SUPT5H: variants seen among roughly 807,000 people sequenced by gnomAD.
SUPT5H encodes SPT5 homolog, DSIF elongation factor subunit, also known as transcription elongation factor SPT5.
Under a neutral mutation model 142.5 loss-of-function variants are expected in SUPT5H, and 24 were observed. The observed-to-expected ratio is 0.17, with a 90% CI of 0.12 to 0.24. SUPT5H has a LOEUF of 0.24. Ranked by LOEUF, SUPT5H falls within the 10% of genes least tolerant of loss-of-function variation. The probability of loss-of-function intolerance (pLI) is 1.00; values close to 1 mark genes in which losing one functional copy is unlikely to be tolerated. For missense variants in SUPT5H, 893 were observed against 1,471.8 expected, an observed-to-expected ratio of 0.61 and a Z score of 6.43; for synonymous variants, 546 against 553.0, an observed-to-expected ratio of 0.99 and a Z score of 0.18.
At chr19:39,451,532 TTTTG>T (rs1193846702) in intron 2 of SUPT5H, among the ~76,000 whole-genome samples, 2 of 151,912 alleles carry the variant, frequency 1.3e-5, no homozygotes, top group Non-Finnish European at 2.9e-5. Context: ...GATTTCAGTT[TTTTG>T]TTTGTTTGTT....
Position 39,472,832 on chromosome 19 carries a change from C to T in SUPT5H, c.2058C>T (p.Ser686=), listed in dbSNP as rs1371813349. The change falls in exon 22 of 30, where the codon AGC becomes AGT. Residue 686 remains serine (S), a synonymous_variant. Coordinates refer to ENST00000432763, the MANE Select transcript of SUPT5H (RefSeq NM_001111020.3). This position sits in a 1 kb window ranked among gnomAD's most constrained non-coding sequence, Gnocchi z 4.2. ...SAGGQRGGFG[S]PGGGSGGMSR... is the part of the protein sequence containing the mutation. ...CAGGTCAGCGTGGCGGCTTTGGTAG[C>T]CCAGGTGGCGGCAGTGGTGGCATGA... 1 of 1,613,360 alleles carries T rather than the reference C, an allele frequency of 6.2e-7. No individual in the cohort carries two copies. The highest frequency in any genetic ancestry group is 1.3e-5 in the African/African-American group (1 of 75,034).
rs1262916535 is a variant in SUPT5H at position 39,459,082 on chromosome 19, A to T, written c.458+9A>T. 1.9e-6 allele frequency: 3 copies of T among 1,600,804 alleles called. No individual in the cohort carries two copies. The highest frequency in any genetic ancestry group is 2.6e-6 in the Non-Finnish European group (3 of 1,169,226). On this transcript the variant is annotated intron_variant, in intron 7 of 29. Transcript: ENST00000432763. Reference sequence around the variant, plus strand: ...TCATCTGTGGGAGAGACGTAAGGGCATGGTGGGGGCAGGTGGGGGCAGGGA... The same window carrying T: ...TCATCTGTGGGAGAGACGTAAGGGCTTGGTGGGGGCAGGTGGGGGCAGGGA...
rs77989588 is a variant in SUPT5H, at chr19:39,466,593, G to C, written c.966+24G>C. 9.0e-4 allele frequency: 1,010 copies of C among 1,119,466 alleles called. No homozygotes were observed. The highest frequency in any genetic ancestry group is 1.2e-3 in the Non-Finnish European group (935 of 796,186). 69.3% of individuals were successfully genotyped at this position (1,119,466 alleles called of 1,614,324 possible). A position where few individuals can be genotyped will look rare whatever the true frequency, so the allele number is the denominator to read the frequency against. On this transcript the variant is annotated intron_variant, in intron 12 of 29. Coordinates refer to ENST00000432763, the MANE Select transcript of SUPT5H (RefSeq NM_001111020.3). The surrounding 1 kb of genome is among the most constrained non-coding windows in gnomAD (Gnocchi z 4.3). The stretch of plus-strand genomic sequence containing the variant: ...TGGTACTCAGGGGAATCTGTGGCCT[G>C]GGGGGGAGGGAGTGTGCTCGATCCC...
At chr19:39,459,450 G>A in intron 8 of SUPT5H, 109 bp from the exon 9 acceptor site, 1 of 1,463,344 alleles carries the variant, frequency 6.8e-7, no homozygotes, top group East Asian at 2.3e-5. Flanking sequence ...CAGTGAGTGT[G>A]AGGGAACCTG....
chr19:39,469,712 T>A lies in SUPT5H; in HGVS notation c.1374+314T>A. On this transcript the variant is annotated intron_variant, in intron 16 of 29. Coordinates refer to ENST00000432763, the MANE Select transcript of SUPT5H (RefSeq NM_001111020.3). The surrounding 1 kb of genome is among the most constrained non-coding windows in gnomAD (Gnocchi z 5.1). ...GAGTAATCTGAGGCTTGACTTTGTT[T>A]GCTTAGAGCGGGGTGTGTGTTTGTC... 2.0e-6 allele frequency: 1 copy of A among 509,868 alleles called. No homozygotes were observed. Among genetic ancestry groups the A allele is most frequent in the Non-Finnish European group, 3.6e-6 (1 of 279,286 alleles). 31.6% of individuals were successfully genotyped at this position (509,868 alleles called of 1,614,324 possible).
Position 39,474,296 on chromosome 19 carries a change from G to A in SUPT5H, c.2714G>A (p.Ser905Asn), listed in dbSNP as rs1448134375. Reference sequence around the variant, plus strand: ...TCCCCACAAGGTTCCTACCAGCCCAGCCCCAGCCCCCAGAGCTACCACCAG... The same window carrying A: ...TCCCCACAAGGTTCCTACCAGCCCAACCCCAGCCCCCAGAGCTACCACCAG... The part of the protein sequence containing the change: ...APSPQGSYQP[S>N]PSPQSYHQVA... The change falls in exon 27 of 30, where the codon AGC becomes AAC. Residue 905 changes from serine to asparagine, a missense_variant. Transcript: ENST00000432763. This position sits in a 1 kb window ranked among gnomAD's most constrained non-coding sequence, Gnocchi z 6.5. 1.9e-6 allele frequency: 3 copies of A among 1,613,856 alleles called. No homozygotes were observed. Among genetic ancestry groups the A allele is most frequent in the Non-Finnish European group, 2.5e-6 (3 of 1,179,930 alleles).
intron 10 of SUPT5H, 83 bp downstream of exon 10, chr19:39,460,043 G>GT: frequency 6.8e-7 from 1 of 1,466,902 alleles, no homozygotes; most frequent in Middle Eastern, 2.0e-4. Context: ...GGGGTACCAG[G>GT]TGCCTCTGTT....
chr19:39,454,411 G>A (rs987942548), intron 3 of SUPT5H, among the ~76,000 whole-genome samples: 22 of 149,472 alleles, frequency 1.5e-4, no homozygotes, highest in South Asian at 4.3e-4. Context: ...GCAGTGGTGC[G>A]ATGGCTCACT....
In SUPT5H at chr19:39,472,618, A is replaced by G; in HGVS notation, c.2035+125A>G. On this transcript the variant is annotated intron_variant, in intron 21 of 29. Coordinates refer to ENST00000432763, the MANE Select transcript of SUPT5H (RefSeq NM_001111020.3). The surrounding 1 kb of genome is among the most constrained non-coding windows in gnomAD (Gnocchi z 4.2). ...CACTGCTATTAGGGGTTCACCACCCACAGGAGGGTAGACGCCACAGTGACA... is the reference window on the plus strand; with the variant it reads ...CACTGCTATTAGGGGTTCACCACCCGCAGGAGGGTAGACGCCACAGTGACA... The G allele has an allele frequency of 7.3e-7, 1 of 1,373,456 alleles. No homozygotes were observed. 85.1% of individuals were successfully genotyped at this position (1,373,456 alleles called of 1,614,324 possible).
At chr19:39,457,436 G>A (rs1290913752) in intron 3 of SUPT5H, among the ~76,000 whole-genome samples, 3 of 152,204 alleles carry the variant, frequency 2.0e-5, no homozygotes, top group African/African-American at 7.2e-5. Context: ...GGATTTGGGA[G>A]TGGAGTAAGG....
intron 3 of SUPT5H, among the ~76,000 whole-genome samples, chr19:39,454,764 G>A (rs1223171199): frequency 2.0e-5 from 3 of 152,166 alleles, no homozygotes; most frequent in African/African-American, 7.2e-5. Flanking sequence ...ATGGGAAGAG[G>A]GGTTACTTAG....
rs772672914 is a variant in SUPT5H at position 39,476,428 on chromosome 19, A to G, written c.*29A>G. 3.1e-6 allele frequency: 5 copies of G among 1,612,590 alleles called. No individual in the cohort carries two copies. Among genetic ancestry groups the G allele is most frequent in the Non-Finnish European group, 2.5e-6 (3 of 1,179,772 alleles). ...AGGCAGGGCCGGTGGACTTCGTCGGATGAAGAGTGATCCTCCTTCCTTCCC... is the reference window on the plus strand; with the variant it reads ...AGGCAGGGCCGGTGGACTTCGTCGGGTGAAGAGTGATCCTCCTTCCTTCCC... On this transcript the variant is annotated 3_prime_UTR_variant, in exon 30 of 30. Coordinates refer to ENST00000432763, the MANE Select transcript of SUPT5H (RefSeq NM_001111020.3).
chr19:39,466,547 G>T lies in SUPT5H; in HGVS notation c.944G>T (p.Arg315Leu), dbSNP rs775396805. 6.2e-7 allele frequency: 1 copy of T among 1,614,114 alleles called. No homozygotes were observed. Among genetic ancestry groups the T allele is most frequent in the African/African-American group, 1.3e-5 (1 of 75,024 alleles). The change falls in exon 12 of 30, where the codon CGC becomes CTC. Residue 315 changes from arginine (R) to leucine (L), a missense_variant. Physicochemically the swap from Arg to Leu is moderately radical, Grantham distance 102 (BLOSUM62 -2). Coordinates refer to ENST00000432763, the MANE Select transcript of SUPT5H (RefSeq NM_001111020.3). This position sits in a 1 kb window ranked among gnomAD's most constrained non-coding sequence, Gnocchi z 4.3. ...ATGATCCCACGCATCGACTACGATC[G>T]CATCAAGGCCCGCATGAGCTTGGTA... is the stretch of plus-strand genomic sequence containing the variant. ...LKMIPRIDYDRIKARMSLKDW... is the reference protein window; with the variant it reads ...LKMIPRIDYDLIKARMSLKDW...
At chr19:39,454,858 G>A (rs941878104) in intron 3 of SUPT5H, among the ~76,000 whole-genome samples, 2 of 152,174 alleles carry the variant, frequency 1.3e-5, no homozygotes, top group African/African-American at 4.8e-5. Flanking sequence ...AGGTGCTCTG[G>A]ATGTTCTTGG....
chr19:39,464,678 T>G, intron 10 of SUPT5H, 120 bp from the exon 11 acceptor site: 3 of 1,405,962 alleles, frequency 2.1e-6, no homozygotes, highest in Non-Finnish European at 9.6e-7. Context: ...TCCATGTCAT[T>G]GTGCCAGTGT....
In SUPT5H at chr19:39,474,758, T is replaced by C. The variant is rs1468770650; in HGVS notation, c.3024+40T>C. 1.3e-6 allele frequency: 2 copies of C among 1,565,790 alleles called. No homozygotes were observed. The highest frequency in any genetic ancestry group is 3.8e-5 in the Admixed American group (2 of 52,838). On this transcript the variant is annotated intron_variant, in intron 28 of 29. Coordinates refer to ENST00000432763, the MANE Select transcript of SUPT5H (RefSeq NM_001111020.3). The surrounding 1 kb of genome is among the most constrained non-coding windows in gnomAD (Gnocchi z 6.5). Reference sequence around the variant, plus strand: ...GGGTGGTGGGTGAGCAGGCATCCTCTCCTTGGTACCCCCTAAACTGGAGAC... The same window carrying C: ...GGGTGGTGGGTGAGCAGGCATCCTCCCCTTGGTACCCCCTAAACTGGAGAC...
In SUPT5H at chr19:39,469,635, C is replaced by T. The variant is rs1466474113; in HGVS notation, c.1374+237C>T. The T allele has an allele frequency of 9.9e-6, 6 of 605,636 alleles. No individual in the cohort carries two copies. Among genetic ancestry groups the T allele is most frequent in the East Asian group, 5.7e-5 (2 of 35,244 alleles). The allele number at this position is 605,636 out of a possible 1,614,324, so 37.5% of individuals were successfully genotyped here. ...GAGTGACTTGGTCTATCTTTTGTTT[C>T]TGAAAAGCAAGATATCTGGGTAGTA... On this transcript the variant is annotated intron_variant, in intron 16 of 29. Coordinates refer to ENST00000432763, the MANE Select transcript of SUPT5H (RefSeq NM_001111020.3). This position sits in a 1 kb window ranked among gnomAD's most constrained non-coding sequence, Gnocchi z 5.1.
At chr19:39,447,189 C>G (rs948007242) in intron 2 of SUPT5H, among the ~76,000 whole-genome samples, 3 of 152,146 alleles carry the variant, frequency 2.0e-5, no homozygotes, top group Non-Finnish European at 4.4e-5. Context: ...AAAAGGGGGT[C>G]CACTTTGGTT....
Position 39,473,342 on chromosome 19 carries a change from C to T in SUPT5H, c.2386+12C>T. 1.2e-6 allele frequency: 2 copies of T among 1,613,718 alleles called. No individual in the cohort carries two copies. On this transcript the variant is annotated intron_variant, in intron 24 of 29. Coordinates refer to ENST00000432763, the MANE Select transcript of SUPT5H (RefSeq NM_001111020.3). This position sits in a 1 kb window ranked among gnomAD's most constrained non-coding sequence, Gnocchi z 5.8. Reference sequence around the variant, plus strand: ...ACCCCTCCAGGATGGTGAGTGCCCGCAGGGGACAGGGAAGAGGGGCTAGGG... The same window carrying T: ...ACCCCTCCAGGATGGTGAGTGCCCGTAGGGGACAGGGAAGAGGGGCTAGGG...
Sources: gnomAD v4.1 joint callset for allele counts (sites outside exome capture counted in the v4.1 genomes callset) on GRCh38, gnomAD v4.1.1 for gene constraint, Gnocchi (gnomAD v3.1) non-coding constraint, MANE v1.5 for transcripts, NCBI Gene and HGNC (gene_info 2026-07-23, HGNC 2026-07-21) for gene names.